Variants in LCP1 observed in about 807,000 individuals in gnomAD.
LCP1 encodes the protein plastin-2.
LCP1 carries 23 observed loss-of-function variants against 72.0 expected under a neutral mutation model. The ratio of observed to expected loss-of-function variants is 0.32; its 90% CI spans 0.23 to 0.45. The LOEUF is 0.45. LCP1 is among the 20% of genes least tolerant of loss of function. LCP1 has a pLI of 1.00. For synonymous variants in LCP1, 245 were observed against 275.4 expected (o/e 0.89, Z 1.09); for missense variants, 571 against 748.3 (o/e 0.76, Z 2.76).
chr13:46,130,665 T>C, intron 15 of LCP1, 149 bp downstream of exon 15: 1 of 887,720 alleles, frequency 1.1e-6, no homozygotes, highest in Non-Finnish European at 1.7e-6. Flanking sequence ...AAAACAGTGA[T>C]GATGAGACTG....
Position 46,127,146 on chromosome 13 carries a change from T to A in LCP1, c.*445A>T, listed in dbSNP as rs2045603806. 4.3e-6 allele frequency: 1 copy of A among 233,766 alleles called. No homozygotes were observed. The highest frequency in any genetic ancestry group is 6.1e-5 in the East Asian group (1 of 16,416). The allele number at this position is 233,766 out of a possible 1,614,324, so 14.5% of individuals were successfully genotyped here. A position where few individuals can be genotyped will look rare whatever the true frequency, so the allele number is the denominator to read the frequency against. On this transcript the variant is annotated 3_prime_UTR_variant, in exon 16 of 16. Transcript: ENST00000323076. ...GACAGAAAGAGGGGCTTGCAACAGA[T>A]CAAATGCTGACCTCCAGGAACAGGG...
intron 7 of LCP1, 49 bp downstream of exon 7, chr13:46,152,731 A>G (rs1302732339): frequency 6.3e-7 from 1 of 1,581,988 alleles, no homozygotes; most frequent in African/African-American, 1.4e-5. Flanking sequence ...CCCAACGCGT[A>G]AGTTATTAGA....
Position 46,159,685 on chromosome 13 carries a change from A to G in LCP1, c.-23T>C. On this transcript the variant is annotated splice_region_variant and 5_prime_UTR_variant, in exon 2 of 16. Coordinates refer to ENST00000323076, the MANE Select transcript of LCP1 (RefSeq NM_002298.5). ...CATTTTTTATTGCTTTAGGTAACAG[A>G]TCTGGAGAGAAGAAGAACATAAGGG... is the stretch of plus-strand genomic sequence containing the variant. 6.3e-7 allele frequency: 1 copy of G among 1,586,916 alleles called. No homozygotes were observed. The highest frequency in any genetic ancestry group is 1.1e-5 in the South Asian group (1 of 90,424).
intron 8 of LCP1, among the ~76,000 whole-genome samples, chr13:46,149,090 G>A (rs1026212869): frequency 6.6e-6 from 1 of 152,104 alleles, no homozygotes; most frequent in Admixed American, 6.5e-5. Context: ...TTGACAAAAA[G>A]AATTCTCAGA....
chr13:46,135,561 C>G (rs938551955), intron 13 of LCP1, among the ~76,000 whole-genome samples: 1 of 152,142 alleles, frequency 6.6e-6, no homozygotes, highest in African/African-American at 2.4e-5. Flanking sequence ...AAACACCTTC[C>G]CATTATTGAA....
intron 1 of LCP1, among the ~76,000 whole-genome samples, chr13:46,172,503 G>C (rs1484885611): frequency 1.3e-5 from 2 of 152,016 alleles, no homozygotes; most frequent in Non-Finnish European, 2.9e-5. Context: ...AAGGAAGAAA[G>C]AAAAGAAAAG....
Position 46,158,902 on chromosome 13 carries a change from C to T in LCP1, c.152G>A (p.Arg51Gln). The change falls in exon 3 of 16, where the codon CGA (arginine) becomes CAA (glutamine). Residue 51 changes from arginine (R) to glutamine (Q), a missense_variant. Transcript: ENST00000323076. ...ACLPLPGYRV[R>Q]EITENLMATG... ...AGCCATCAGGTTTTCTGTAATTTCTCGTACTCTATACCCAGGCAAAGGCAA... is the reference window on the plus strand; with the variant it reads ...AGCCATCAGGTTTTCTGTAATTTCTTGTACTCTATACCCAGGCAAAGGCAA... 6.2e-7 allele frequency: 1 copy of T among 1,614,176 alleles called. No homozygotes were observed. The highest frequency in any genetic ancestry group is 8.5e-7 in the Non-Finnish European group (1 of 1,180,022).
intron 1 of LCP1, among the ~76,000 whole-genome samples, chr13:46,165,947 T>C (rs1387071039): frequency 1.3e-5 from 2 of 152,026 alleles, no homozygotes; most frequent in Non-Finnish European, 2.9e-5. Flanking sequence ...AATTATATTA[T>C]TTTTAAAACC....
intron 13 of LCP1, 76 bp from the exon 14 acceptor site, chr13:46,134,326 G>A (rs1327527278): frequency 1.4e-6 from 2 of 1,472,434 alleles, no homozygotes; most frequent in East Asian, 2.3e-5. Flanking sequence ...GCTAAGGATG[G>A]AATTTTTTTT....
intron 14 of LCP1, among the ~76,000 whole-genome samples, chr13:46,132,105 C>CTGGT (rs76115677): frequency 6.6e-6 from 1 of 151,348 alleles, no homozygotes; most frequent in Non-Finnish European, 1.5e-5. Flanking sequence ...CATTATGTGG[C>CTGGT]CTCTTTTACT....
intron 8 of LCP1, 185 bp from the exon 9 acceptor site, chr13:46,148,632 G>T: frequency 1.9e-6 from 1 of 533,330 alleles, no homozygotes; most frequent in Non-Finnish European, 3.2e-6. Flanking sequence ...TATCACATTT[G>T]CTTTTCTTTT....
chr13:46,143,516 G>A, intron 11 of LCP1, 112 bp from the exon 12 acceptor site: 1 of 674,282 alleles, frequency 1.5e-6, no homozygotes, highest in Non-Finnish European at 2.6e-6. Flanking sequence ...CAACAACCCT[G>A]CACACTTGGT....
chr13:46,149,030 G>C (rs1177397569), intron 8 of LCP1, among the ~76,000 whole-genome samples: 1 of 152,140 alleles, frequency 6.6e-6, no homozygotes, highest in Non-Finnish European at 1.5e-5. Flanking sequence ...TAGCAGATTA[G>C]ATACAGGTAT....
chr13:46,166,686 A>G (rs965322925), intron 1 of LCP1, among the ~76,000 whole-genome samples: 1 of 152,244 alleles, frequency 6.6e-6, no homozygotes, highest in Non-Finnish European at 1.5e-5. Context: ...GAAACGAAAA[A>G]TAAAATATGT....
intron 13 of LCP1, among the ~76,000 whole-genome samples, chr13:46,140,152 G>A (rs945197930): frequency 6.6e-6 from 1 of 152,156 alleles, no homozygotes; most frequent in African/African-American, 2.4e-5. Context: ...AGAATTTAGG[G>A]GAAAGACTAT....
intron 5 of LCP1, among the ~76,000 whole-genome samples, chr13:46,155,419 T>G (rs2045794406): frequency 6.6e-6 from 1 of 152,168 alleles, no homozygotes; most frequent in Non-Finnish European, 1.5e-5. Context: ...ACTAGCAGAT[T>G]GGGGGAAGAC....
chr13:46,150,946 G>C lies in LCP1; in HGVS notation c.872C>G (p.Thr291Ser). The C allele has an allele frequency of 6.2e-7, 1 of 1,613,848 alleles. No individual in the cohort carries two copies. The stretch of plus-strand genomic sequence containing the variant: ...CAACGCTCCTCCTACCTTGATGTCA[G>C]TACTGAAGTTGCCAATTTTGTTGCA... ...AGCNKIGNFSTDIKDSKAYYH... is the reference protein window; with the variant it reads ...AGCNKIGNFSSDIKDSKAYYH... The change falls in exon 8 of 16, where the codon ACT (threonine) becomes AGT (serine). Residue 291 changes from threonine (T) to serine (S), a missense_variant. By Grantham distance (58) the Thr-to-Ser change is moderately conservative. Transcript: ENST00000323076.
At chr13:46,165,184 G>A (rs962600039) in intron 1 of LCP1, among the ~76,000 whole-genome samples, 2 of 151,966 alleles carry the variant, frequency 1.3e-5, no homozygotes, top group African/African-American at 2.4e-5. Flanking sequence ...GACCAGCCTG[G>A]GCAACATGGT....
At chr13:46,134,845 A>G (rs892533640) in intron 13 of LCP1, among the ~76,000 whole-genome samples, 2 of 152,244 alleles carry the variant, frequency 1.3e-5, no homozygotes, top group East Asian at 3.9e-4. Context: ...GCCAGGCGCC[A>G]GTAATCCCGG....
Sources: allele counts gnomAD v4.1 joint callset (sites outside exome capture counted in the v4.1 genomes callset), GRCh38; gene constraint gnomAD v4.1.1; transcripts MANE v1.5; gene names NCBI Gene and HGNC (gene_info 2026-07-23, HGNC 2026-07-21).